Variants in DSCAM observed in about 807,000 individuals in gnomAD.
The protein encoded by DSCAM is DS cell adhesion molecule.
In DSCAM, 47 loss-of-function variants were observed where a neutral mutation model predicts 217.7. The ratio of observed to expected loss-of-function variants is 0.22; its 90% CI spans 0.17 to 0.28. DSCAM has a LOEUF of 0.28. Ranked by LOEUF, DSCAM falls within the 10% of genes least tolerant of loss-of-function variation. The probability of loss-of-function intolerance (pLI) is 1.00; values close to 1 mark genes in which losing one functional copy is unlikely to be tolerated. For synonymous variants in DSCAM, 1,056 were observed against 1,015.3 expected (o/e 1.04, Z -0.76); for missense variants, 2,080 against 2,618.3 (o/e 0.79, Z 4.49).
chr21:40,611,835 T>G (rs1260388697), intron 3 of DSCAM, among the ~76,000 whole-genome samples: 1 of 119,238 alleles, frequency 8.4e-6, no homozygotes, highest in Non-Finnish European at 1.8e-5. Flanking sequence ...TAATTCTGGA[T>G]GCTAAGACAG....
At chr21:40,248,053 T>A (rs1445487999) in intron 11 of DSCAM, among the ~76,000 whole-genome samples, 2 of 152,166 alleles carry the variant, frequency 1.3e-5, no homozygotes, top group Non-Finnish European at 2.9e-5. Flanking sequence ...TCGCCCCTTT[T>A]AGTCATGGCT....
intron 3 of DSCAM, among the ~76,000 whole-genome samples, chr21:40,523,948 C>G (rs768917302): frequency 5.9e-5 from 9 of 152,208 alleles, no homozygotes; most frequent in East Asian, 5.8e-4. Flanking sequence ...ACGAGCCACA[C>G]CCCCATCACA....
chr21:40,717,452 C>T (rs9975938), intron 1 of DSCAM, among the ~76,000 whole-genome samples: 133,551 of 152,322 alleles, frequency 0.88, 58,796 homozygotes, highest in African/African-American at 0.95. Flanking sequence ...CCCTGAAGAA[C>T]AGGTAAGCAA....
At chr21:40,752,803 A>G (rs2091241758) in intron 1 of DSCAM, among the ~76,000 whole-genome samples, 1 of 152,156 alleles carries the variant, frequency 6.6e-6, no homozygotes, top group Admixed American at 6.5e-5. Flanking sequence ...TTACAAAAGG[A>G]AGGAAAGGAG....
At chr21:40,450,316 A>G (rs984760392) in intron 3 of DSCAM, among the ~76,000 whole-genome samples, 1 of 152,222 alleles carries the variant, frequency 6.6e-6, no homozygotes, top group African/African-American at 2.4e-5. Context: ...ACAGATTTTT[A>G]AAATGTTCTA....
chr21:40,341,857 G>A (rs7280223), intron 6 of DSCAM, among the ~76,000 whole-genome samples: 6,844 of 152,106 alleles, frequency 0.045, 258 homozygotes, highest in African/African-American at 0.1. Context: ...AGAGCAGTCC[G>A]TATCACCCAT....
At chr21:40,753,525 T>C (rs903410934) in intron 1 of DSCAM, among the ~76,000 whole-genome samples, 1 of 152,232 alleles carries the variant, frequency 6.6e-6, no homozygotes, top group Non-Finnish European at 1.5e-5. Flanking sequence ...ATGTATATTA[T>C]ACTGATTTTA....
chr21:40,465,829 G>C, intron 3 of DSCAM, among the ~76,000 whole-genome samples: 1 of 151,534 alleles, frequency 6.6e-6, no homozygotes, highest in East Asian at 1.9e-4. Context: ...ACTTGAGAAA[G>C]CAACAATGAC....
chr21:40,057,937 G>A (rs909357495), intron 28 of DSCAM, among the ~76,000 whole-genome samples: 6 of 144,816 alleles, frequency 4.1e-5, no homozygotes, highest in Admixed American at 3.0e-4. Context: ...GTGCAGTGGC[G>A]CGATCTCAGC....
In DSCAM at chr21:40,834,392, G is replaced by A. The variant is rs2092038562; in HGVS notation, c.43+12227C>T. ...ACTGCACTCCAGCCTGGGCGACAGAGTGAGACTCTGTCTCCAAAATAATAA... is the reference window on the plus strand; with the variant it reads ...ACTGCACTCCAGCCTGGGCGACAGAATGAGACTCTGTCTCCAAAATAATAA... On this transcript the variant is annotated intron_variant, in intron 1 of 32. Transcript: ENST00000400454. 2.7e-5 allele frequency among the ~76,000 whole-genome samples: 4 copies of A among 147,690 alleles called. No homozygotes were observed. In the South Asian group the frequency reaches 8.6e-4, roughly 32 times the overall value.
intron 18 of DSCAM, among the ~76,000 whole-genome samples, chr21:40,134,936 G>A (rs2090191767): frequency 6.6e-6 from 1 of 152,174 alleles, no homozygotes; most frequent in Non-Finnish European, 1.5e-5. Flanking sequence ...CAGAAACTTG[G>A]TGTCAGCTAA....
chr21:40,567,553 AG>A (rs2076774064), intron 3 of DSCAM, among the ~76,000 whole-genome samples: 1 of 152,254 alleles, frequency 6.6e-6, no homozygotes, highest in Non-Finnish European at 1.5e-5. Context: ...CCCCACTTCA[AG>A]GAACACAGAC....
At position 40,013,271 on chromosome 21, in the gene DSCAM, G is replaced by T. The variant is rs376759596; in HGVS notation, c.5802C>A (p.Ser1934Arg). The change falls in exon 33 of 33, where the codon AGC (serine) becomes AGA (arginine). Residue 1934 changes from serine to arginine, a missense_variant. Ser to Arg is a moderately radical substitution (Grantham distance 110, BLOSUM62 -1). This residue lies in a region of DSCAM where 145 missense variants were observed against 138.5 expected (regional missense o/e 1.05). Coordinates refer to ENST00000400454, the MANE Select transcript of DSCAM (RefSeq NM_001389.5). ...LGQACLEPQK[S>R]RTLKRPTVLE... is the part of the protein sequence containing the mutation. The stretch of plus-strand genomic sequence containing the variant: ...GGACCGTGGGGCGCTTCAGGGTCCG[G>T]CTTTTCTGAGGTTCCAAGCATGCTT... 6.2e-7 allele frequency: 1 copy of T among 1,613,826 alleles called. No homozygotes were observed. Among genetic ancestry groups the T allele is most frequent in the African/African-American group, 1.3e-5 (1 of 75,036 alleles).
chr21:40,253,652 T>G lies in DSCAM; in HGVS notation c.2356+22445A>C, dbSNP rs372625724. 7.2e-5 allele frequency among the ~76,000 whole-genome samples: 11 copies of G among 152,324 alleles called. 1 individual carries two copies. The highest frequency in any genetic ancestry group is 2.4e-4 in the African/African-American group (10 of 41,576). ...CTCAGTCATGTGGCCAATGATTTAA[T>G]CAATCACGCCTCCGTAATAAAACTT... On this transcript the variant is annotated intron_variant, in intron 11 of 32. Transcript: ENST00000400454.
At chr21:40,705,315 T>G (rs565532720) in intron 2 of DSCAM, among the ~76,000 whole-genome samples, 1 of 152,334 alleles carries the variant, frequency 6.6e-6, no homozygotes, top group African/African-American at 2.4e-5. Context: ...ATAGGACACA[T>G]CTTATTTCCA....
At chr21:40,147,934 A>G (rs2090377664) in intron 16 of DSCAM, among the ~76,000 whole-genome samples, 1 of 152,046 alleles carries the variant, frequency 6.6e-6, no homozygotes, top group Non-Finnish European at 1.5e-5. Flanking sequence ...CTCTGTTTCT[A>G]AGTTTATTTA....
At chr21:40,683,051 G>A (rs73905058) in intron 3 of DSCAM, among the ~76,000 whole-genome samples, 4,205 of 152,276 alleles carry the variant, frequency 0.028, 139 homozygotes, top group African/African-American at 0.076. Flanking sequence ...CCATCTGCAC[G>A]CCAGGATGAG....
intron 1 of DSCAM, among the ~76,000 whole-genome samples, chr21:40,734,968 A>G (rs1258239285): frequency 6.6e-6 from 1 of 152,240 alleles, no homozygotes; most frequent in Non-Finnish European, 1.5e-5. Flanking sequence ...TTGACTTGTT[A>G]TTGTCACAAA....
At chr21:40,023,438 C>T (rs1288629061) in intron 32 of DSCAM, among the ~76,000 whole-genome samples, 7 of 151,242 alleles carry the variant, frequency 4.6e-5, no homozygotes, top group Middle Eastern at 3.2e-3. Context: ...CCTGAGGAAT[C>T]GCCACACTGA....
Sources: gnomAD v4.1 joint callset for allele counts (sites outside exome capture counted in the v4.1 genomes callset) on GRCh38, gnomAD v4.1.1 for gene constraint, gnomAD v4.1.1 regional missense constraint, MANE v1.5 for transcripts, NCBI Gene and HGNC (gene_info 2026-07-23, HGNC 2026-07-21) for gene names.